Variants in MTFMT observed in about 807,000 individuals in gnomAD.
The protein encoded by MTFMT is methionyl-tRNA formyltransferase, mitochondrial.
A neutral mutation model predicts 51.8 loss-of-function variants in MTFMT; 47 were observed. The observed-to-expected ratio is 0.91, with a 90% CI of 0.72 to 1.16. The LOEUF (loss-of-function observed/expected upper bound fraction) is 1.16, where lower values mean the gene tolerates loss of function less well. Ranked by LOEUF, MTFMT falls within the 50% of genes most tolerant of loss-of-function variation. The probability of loss-of-function intolerance (pLI) is 0.00; values close to 1 mark genes in which losing one functional copy is unlikely to be tolerated. For missense variants in MTFMT, 512 were observed against 482.3 expected (o/e 1.06, Z -0.58); for synonymous variants, 196 against 176.7 (o/e 1.11, Z -0.87).
intron 6 of MTFMT, among the ~76,000 whole-genome samples, chr15:65,006,408 CGTT>C (rs1001980807): frequency 6.9e-6 from 1 of 144,404 alleles, no homozygotes; most frequent in African/African-American, 2.6e-5. Context: ...GACGGAGTCT[CGTT>C]GTGTCACCAG....
intron 2 of MTFMT, 49 bp from the exon 3 acceptor site, chr15:65,023,843 C>A: frequency 6.6e-7 from 1 of 1,513,366 alleles, no homozygotes; most frequent in Non-Finnish European, 8.9e-7. Flanking sequence ...TTTACCACTT[C>A]GTTACCACTA....
intron 6 of MTFMT, among the ~76,000 whole-genome samples, chr15:65,009,669 T>A (rs993058352): frequency 4.9e-5 from 6 of 123,030 alleles, no homozygotes; most frequent in African/African-American, 1.9e-4. Flanking sequence ...TTTTTTTTTT[T>A]AAAGACCGGA....
At position 65,004,872 on chromosome 15, in the gene MTFMT, T is replaced by C; in HGVS notation, c.957A>G (p.Ile319Met). 1 of 1,605,420 alleles carries C rather than the reference T, an allele frequency of 6.2e-7. No homozygotes were observed. The highest frequency in any genetic ancestry group is 8.5e-7 in the Non-Finnish European group (1 of 1,174,288). Residue 319 changes from isoleucine (I) to methionine (M), a missense_variant, in exon 8 of 9, where the codon ATA becomes ATG. Ile to Met is a conservative substitution (Grantham distance 10, BLOSUM62 1). Transcript: ENST00000220058. ...AACATACCTTGCAATAAACCAATAG[T>C]ATTTGTGACTGTTTGTGGTATATTA... ...GSVIYHKQSQ[I>M]LLVYCKDGWI... is the part of the protein sequence containing the mutation.
intron 6 of MTFMT, among the ~76,000 whole-genome samples, chr15:65,009,158 C>T (rs570663201): frequency 2.4e-4 from 37 of 152,248 alleles, no homozygotes; most frequent in African/African-American, 8.7e-4. Context: ...TAGTAAAGGG[C>T]AACTCTAGGA....
chr15:65,011,432 G>A (rs2086264599), intron 6 of MTFMT, among the ~76,000 whole-genome samples: 1 of 149,996 alleles, frequency 6.7e-6, no homozygotes, highest in African/African-American at 2.5e-5. Flanking sequence ...CTGGATATTA[G>A]GCCCTTATCA....
chr15:65,014,392 C>T (rs1312483202), intron 6 of MTFMT, among the ~76,000 whole-genome samples: 5 of 139,364 alleles, frequency 3.6e-5, no homozygotes, highest in African/African-American at 8.0e-5. Flanking sequence ...TGTGCAATCT[C>T]GGCTCATCAT....
intron 2 of MTFMT, chr15:65,026,093 G>A (rs920162910): frequency 6.6e-6 from 1 of 152,444 alleles, no homozygotes; most frequent in Non-Finnish European, 1.5e-5. Context: ...GCTCAAGATG[G>A]AAAATCATAA....
chr15:65,022,842 G>A (rs1332315754), intron 3 of MTFMT, among the ~76,000 whole-genome samples: 3 of 151,742 alleles, frequency 2.0e-5, no homozygotes, highest in African/African-American at 7.3e-5. Flanking sequence ...GAGTAGCTGG[G>A]ACTACAGGTG....
chr15:65,027,407 C>T (rs1445723046), intron 1 of MTFMT, among the ~76,000 whole-genome samples: 1 of 152,136 alleles, frequency 6.6e-6, no homozygotes, highest in Admixed American at 6.5e-5. Context: ...CCATGTTGGC[C>T]AGGCTGGTCT....
At chr15:65,028,531 GCA>G (rs1240127971) in intron 1 of MTFMT, among the ~76,000 whole-genome samples, 1 of 152,202 alleles carries the variant, frequency 6.6e-6, no homozygotes, top group Non-Finnish European at 1.5e-5. Flanking sequence ...CCGGGTGTGT[GCA>G]CAGAGGGGTG....
At chr15:65,019,673 TAAC>T (rs2086354600) in intron 5 of MTFMT, among the ~76,000 whole-genome samples, 2 of 152,076 alleles carry the variant, frequency 1.3e-5, no homozygotes, top group African/African-American at 4.8e-5. Context: ...TAAAGAGACA[TAAC>T]AACTAATTAC....
chr15:65,006,630 C>T (rs967253906), intron 6 of MTFMT, among the ~76,000 whole-genome samples: 2 of 152,158 alleles, frequency 1.3e-5, no homozygotes, highest in Admixed American at 6.5e-5. Flanking sequence ...CCCGCCTTAG[C>T]CTCCCAAAGT....
At chr15:65,010,013 T>C (rs1470986019) in intron 6 of MTFMT, among the ~76,000 whole-genome samples, 5 of 152,074 alleles carry the variant, frequency 3.3e-5, no homozygotes, top group Non-Finnish European at 4.4e-5. Context: ...CTTTTAAGAA[T>C]GTACATACCT....
chr15:65,022,182 G>C (rs1002213068), intron 3 of MTFMT, among the ~76,000 whole-genome samples: 6 of 152,150 alleles, frequency 3.9e-5, no homozygotes, highest in African/African-American at 1.4e-4. Context: ...TATAAGTAGG[G>C]CCAGGCGTAG....
intron 6 of MTFMT, among the ~76,000 whole-genome samples, chr15:65,014,174 C>G (rs899685565): frequency 3.3e-5 from 5 of 152,116 alleles, no homozygotes; most frequent in African/African-American, 1.2e-4. Context: ...CTTCTCTGTT[C>G]TAGGCATGGC....
intron 1 of MTFMT, 167 bp downstream of exon 1, chr15:65,029,238 C>T (rs2086457160): frequency 1.0e-6 from 1 of 983,118 alleles, no homozygotes; most frequent in Non-Finnish European, 1.2e-6. Context: ...GGCTGACCGG[C>T]GGGAATGGCG....
chr15:65,002,882 G>T lies in MTFMT; in HGVS notation c.*180C>A, dbSNP rs1335303941. 2.8e-6 allele frequency: 1 copy of T among 357,606 alleles called. No individual in the cohort carries two copies. Among genetic ancestry groups the T allele is most frequent in the African/African-American group, 2.2e-5 (1 of 45,170 alleles). The allele number at this position is 357,606 out of a possible 1,614,324, so 22.2% of individuals were successfully genotyped here. ...GGAGGCTGAGGCAGGAGAATTGCTT[G>T]AACCTGGGAGGCGGAGGTTGCAGTG... On this transcript the variant is annotated 3_prime_UTR_variant, in exon 9 of 9. Transcript: ENST00000220058.
chr15:65,016,519 T>A lies in MTFMT; in HGVS notation c.730A>T (p.Ile244Phe), dbSNP rs2086323538. The change falls in exon 6 of 9, where the codon ATT becomes TTT. Residue 244 changes from isoleucine (I) to phenylalanine (F), a missense_variant. Transcript: ENST00000220058. ...TTTATACAACTGGTACCAGCAGAAA[T>A]CTTAGGGGCTACAAGATAAAACCAA... Reference protein sequence around the residue: ...PMEGATYAPKISAGTSCIKWE... With the variant: ...PMEGATYAPKFSAGTSCIKWE... The A allele has an allele frequency of 6.2e-7, 1 of 1,609,944 alleles. No individual in the cohort carries two copies. The highest frequency in any genetic ancestry group is 1.1e-5 in the South Asian group (1 of 90,932).
intron 6 of MTFMT, among the ~76,000 whole-genome samples, chr15:65,012,335 C>CT (rs993521296): frequency 1.3e-5 from 2 of 151,476 alleles, no homozygotes; most frequent in African/African-American, 4.9e-5. Context: ...AAAGAACTAT[C>CT]TTTTGGGAAC....
Sources: gnomAD v4.1 joint callset for allele counts (sites outside exome capture counted in the v4.1 genomes callset) on GRCh38, gnomAD v4.1.1 for gene constraint, MANE v1.5 for transcripts, NCBI Gene and HGNC (gene_info 2026-07-23, HGNC 2026-07-21) for gene names.